SCMH1: variants seen among roughly 807,000 people sequenced by gnomAD.
The protein encoded by SCMH1 is Scm polycomb group protein homolog 1, also known as polycomb protein SCMH1.
SCMH1 carries 37 observed loss-of-function variants against 70.8 expected under a neutral mutation model. The observed-to-expected ratio is 0.52, with a 90% CI of 0.40 to 0.69. The LOEUF is 0.69. Ranked by LOEUF, SCMH1 falls within the 30% of genes least tolerant of loss-of-function variation. SCMH1 has a pLI of 0.00. For synonymous variants in SCMH1, 292 were observed against 307.4 expected (o/e 0.95, Z 0.52); for missense variants, 607 against 827.3 (o/e 0.73, Z 3.27).
chr1:41,143,838 T>G (rs769720228), intron 5 of SCMH1, among the ~76,000 whole-genome samples: 1 of 152,212 alleles, frequency 6.6e-6, no homozygotes, highest in Non-Finnish European at 1.5e-5. Flanking sequence ...GATGGAATCA[T>G]AGAAGATGTA....
At chr1:41,228,772 A>G (rs1258140644) in intron 1 of SCMH1, among the ~76,000 whole-genome samples, 1 of 152,102 alleles carries the variant, frequency 6.6e-6, no homozygotes, top group Non-Finnish European at 1.5e-5. Context: ...AAAGGAATGT[A>G]GAGAGAATAG....
At chr1:41,201,470 A>T (rs1331616671) in intron 1 of SCMH1, among the ~76,000 whole-genome samples, 13 of 152,218 alleles carry the variant, frequency 8.5e-5, no homozygotes, top group Admixed American at 8.5e-4. Flanking sequence ...AACTAGCTGC[A>T]TGCCTGTTTC....
At chr1:41,047,950 TAAAA>T in intron 11 of SCMH1, among the ~76,000 whole-genome samples, 1 of 152,358 alleles carries the variant, frequency 6.6e-6, no homozygotes, top group Non-Finnish European at 1.5e-5. Context: ...AAATGTTTGC[TAAAA>T]TAATACAGTC....
intron 9 of SCMH1, among the ~76,000 whole-genome samples, chr1:41,072,213 T>A (rs1468107957): frequency 6.6e-6 from 1 of 152,182 alleles, no homozygotes; most frequent in Non-Finnish European, 1.5e-5. Context: ...CTGCTCATGC[T>A]TTTTTACTGC....
chr1:41,029,751 G>A (rs1003627896), intron 13 of SCMH1, among the ~76,000 whole-genome samples: 10 of 152,086 alleles, frequency 6.6e-5, no homozygotes, highest in Admixed American at 2.6e-4. Context: ...AGCAGGTCTC[G>A]GCTTCAAGGA....
chr1:41,142,534 A>C (rs1279229276), intron 6 of SCMH1, among the ~76,000 whole-genome samples: 1 of 152,224 alleles, frequency 6.6e-6, no homozygotes, highest in Non-Finnish European at 1.5e-5. Context: ...ATTTCTTGTC[A>C]TTATGATAGG....
chr1:41,160,223 T>C (rs28609639), intron 4 of SCMH1, among the ~76,000 whole-genome samples: 1,961 of 152,306 alleles, frequency 0.013, 40 homozygotes, highest in African/African-American at 0.045. Context: ...CAAAAATTGA[T>C]ACAGGTATCT....
chr1:41,219,730 G>A, intron 1 of SCMH1, among the ~76,000 whole-genome samples: 1 of 152,172 alleles, frequency 6.6e-6, no homozygotes, highest in Non-Finnish European at 1.5e-5. Flanking sequence ...AGGAGTTTGA[G>A]ATCAGCCTGG....
intron 1 of SCMH1, among the ~76,000 whole-genome samples, chr1:41,191,616 T>C (rs1032593921): frequency 1.3e-5 from 2 of 152,176 alleles, no homozygotes; most frequent in Non-Finnish European, 2.9e-5. Flanking sequence ...AGTCATTTAG[T>C]TTAATGTCTC....
chr1:41,133,744 C>T (rs1642780689), intron 6 of SCMH1, among the ~76,000 whole-genome samples: 1 of 152,076 alleles, frequency 6.6e-6, no homozygotes, highest in Admixed American at 6.6e-5. Flanking sequence ...CAGGAAGAAG[C>T]TGAATCTCTA....
rs147701890 is a variant in SCMH1, at chr1:41,152,910, C to A, written c.107-1226G>T. 1.4e-4 allele frequency among the ~76,000 whole-genome samples: 21 copies of A among 152,288 alleles called. No homozygotes were observed. In the East Asian group the frequency reaches 3.7e-3, roughly 27 times the overall value. ...GCCAGAAATCACAGTCAGTTCTGAA[C>A]TATTTCATGAACTAGCTGATGATTA... On this transcript the variant is annotated intron_variant, in intron 4 of 14. Transcript: ENST00000337495.
At chr1:41,152,370 C>T (rs1645143977) in intron 4 of SCMH1, among the ~76,000 whole-genome samples, 1 of 152,148 alleles carries the variant, frequency 6.6e-6, no homozygotes, top group Admixed American at 6.5e-5. Context: ...TAAATAAGAA[C>T]AAGCTGGGGA....
chr1:41,058,365 C>T (rs1158804730), intron 10 of SCMH1, among the ~76,000 whole-genome samples: 2 of 98,950 alleles, frequency 2.0e-5, no homozygotes, highest in East Asian at 7.2e-4. Flanking sequence ...AGTATTTATA[C>T]ATTTTCTTTC....
At chr1:41,159,915 T>C (rs1645876839) in intron 4 of SCMH1, 1 of 938,036 alleles carries the variant, frequency 1.1e-6, no homozygotes, top group Middle Eastern at 3.7e-4. Context: ...CATTAGCTCA[T>C]GTAATCTTCT....
At chr1:41,207,753 T>C (rs545580034) in intron 1 of SCMH1, among the ~76,000 whole-genome samples, 10 of 152,248 alleles carry the variant, frequency 6.6e-5, no homozygotes, top group African/African-American at 9.6e-5. Context: ...CAGCACCACA[T>C]TGCACTTATT....
chr1:41,208,396 T>C (rs965095351), intron 1 of SCMH1, among the ~76,000 whole-genome samples: 6 of 139,828 alleles, frequency 4.3e-5, no homozygotes, highest in African/African-American at 1.6e-4. Flanking sequence ...CTGCACAATG[T>C]GCACATGTAC....
intron 8 of SCMH1, among the ~76,000 whole-genome samples, chr1:41,084,417 C>T (rs947434775): frequency 2.0e-5 from 3 of 152,122 alleles, no homozygotes; most frequent in Non-Finnish European, 4.4e-5. Flanking sequence ...CAAATCAAAA[C>T]CACAATGAGA....
intron 8 of SCMH1, among the ~76,000 whole-genome samples, chr1:41,082,594 C>A (rs1660355352): frequency 6.6e-6 from 1 of 152,136 alleles, no homozygotes; most frequent in Non-Finnish European, 1.5e-5. Context: ...ACAACTGGTA[C>A]CAGCCACTGC....
intron 1 of SCMH1, among the ~76,000 whole-genome samples, chr1:41,215,825 C>G (rs528891500): frequency 1.3e-5 from 2 of 152,106 alleles, no homozygotes; most frequent in Admixed American, 6.6e-5. Flanking sequence ...ATGTTTACAA[C>G]CCTGGGATCC....
Sources: gnomAD v4.1 joint callset for allele counts (sites outside exome capture counted in the v4.1 genomes callset) on GRCh38, gnomAD v4.1.1 for gene constraint, MANE v1.5 for transcripts, NCBI Gene and HGNC (gene_info 2026-07-23, HGNC 2026-07-21) for gene names.